The following KCNIP4 variants were observed in gnomAD, a reference collection of about 807,000 sequenced individuals.
The protein encoded by KCNIP4 is potassium voltage-gated channel interacting protein 4.
Under a neutral mutation model 34.0 loss-of-function variants are expected in KCNIP4, and 12 were observed. The ratio of observed to expected loss-of-function variants is 0.35; its 90% CI spans 0.23 to 0.57. KCNIP4 has a LOEUF of 0.57. KCNIP4 is among the 20% of genes least tolerant of loss of function. The pLI is 0.83. For missense variants in KCNIP4, 238 were observed against 311.7 expected, an observed-to-expected ratio of 0.76 and a Z score of 1.78; for synonymous variants, 124 against 102.2, an observed-to-expected ratio of 1.21 and a Z score of -1.29.
intron 1 of KCNIP4, among the ~76,000 whole-genome samples, chr4:21,611,863 G>A (rs1744187478): frequency 6.6e-6 from 1 of 152,144 alleles, no homozygotes; most frequent in Admixed American, 6.5e-5. Context: ...AACTATGGAA[G>A]AATCCAATGC....
At chr4:21,738,202 A>T (rs1199586862) in intron 1 of KCNIP4, among the ~76,000 whole-genome samples, 1 of 152,068 alleles carries the variant, frequency 6.6e-6, no homozygotes, top group East Asian at 1.9e-4. Flanking sequence ...CATATACTTG[A>T]AATCTATTTG....
At chr4:21,385,801 A>T (rs555020720) in intron 1 of KCNIP4, among the ~76,000 whole-genome samples, 3 of 152,300 alleles carry the variant, frequency 2.0e-5, no homozygotes, top group African/African-American at 2.4e-5. Context: ...CAGGTGCCAC[A>T]GATTTAACTG....
At chr4:21,256,773 T>A (rs1761090767) in intron 1 of KCNIP4, among the ~76,000 whole-genome samples, 1 of 152,162 alleles carries the variant, frequency 6.6e-6, no homozygotes, top group Non-Finnish European at 1.5e-5. Flanking sequence ...GCATGGATAA[T>A]TGATTGTGCT....
At chr4:21,445,844 G>A (rs1430269364) in intron 1 of KCNIP4, among the ~76,000 whole-genome samples, 5 of 152,110 alleles carry the variant, frequency 3.3e-5, no homozygotes, top group African/African-American at 7.2e-5. Context: ...GCAACACACA[G>A]AATGGGAGAA....
At chr4:21,401,017 T>C (rs1236177068) in intron 1 of KCNIP4, among the ~76,000 whole-genome samples, 1 of 151,996 alleles carries the variant, frequency 6.6e-6, no homozygotes, top group East Asian at 1.9e-4. Context: ...AAAAATTAGC[T>C]GGGCATGGTG....
chr4:21,069,190 C>T (rs1744674273), intron 1 of KCNIP4, among the ~76,000 whole-genome samples: 1 of 152,028 alleles, frequency 6.6e-6, no homozygotes, highest in Non-Finnish European at 1.5e-5. Flanking sequence ...ACACTATTGA[C>T]TCATATTACA....
At chr4:21,110,602 C>T (rs1442889441) in intron 1 of KCNIP4, among the ~76,000 whole-genome samples, 1 of 152,146 alleles carries the variant, frequency 6.6e-6, no homozygotes, top group Non-Finnish European at 1.5e-5. Context: ...TTGTATTCCT[C>T]CAACGTTTTT....
chr4:21,375,847 G>A (rs945348649), intron 1 of KCNIP4, among the ~76,000 whole-genome samples: 1 of 152,102 alleles, frequency 6.6e-6, no homozygotes, highest in Non-Finnish European at 1.5e-5. Flanking sequence ...GATTACAGGC[G>A]TGAGCCACCG....
At chr4:20,808,349 G>C (rs1183355904) in intron 3 of KCNIP4, among the ~76,000 whole-genome samples, 3 of 152,154 alleles carry the variant, frequency 2.0e-5, no homozygotes, top group Non-Finnish European at 4.4e-5. Context: ...AATGACAGAG[G>C]ACACATCAGA....
At chr4:21,459,764 T>C (rs1045516458) in intron 1 of KCNIP4, among the ~76,000 whole-genome samples, 1 of 152,038 alleles carries the variant, frequency 6.6e-6, no homozygotes, top group African/African-American at 2.4e-5. Context: ...TCTTTTCTTT[T>C]CTCATGCTTC....
At chr4:21,881,095 T>G (rs1726433506) in intron 1 of KCNIP4, among the ~76,000 whole-genome samples, 1 of 152,176 alleles carries the variant, frequency 6.6e-6, no homozygotes. Flanking sequence ...TAATATTTTT[T>G]AAAGTCTCCA....
intron 1 of KCNIP4, among the ~76,000 whole-genome samples, chr4:21,805,341 GAGAGAT>G (rs1225650771): frequency 6.6e-6 from 1 of 152,098 alleles, no homozygotes; most frequent in African/African-American, 2.4e-5. Context: ...GGGACCTGGT[GAGAGAT>G]AGTTGAATCA....
intron 1 of KCNIP4, among the ~76,000 whole-genome samples, chr4:21,830,013 T>A (rs944214526): frequency 2.6e-5 from 4 of 152,122 alleles, no homozygotes; most frequent in Non-Finnish European, 5.9e-5. Flanking sequence ...TTATTTTGAA[T>A]TTAAATGGAT....
chr4:20,825,016 T>A (rs1342875057), intron 3 of KCNIP4, among the ~76,000 whole-genome samples: 2 of 152,164 alleles, frequency 1.3e-5, no homozygotes, highest in Non-Finnish European at 2.9e-5. Context: ...TATAAGAGAA[T>A]GTGAACCGAG....
At chr4:20,794,272 C>T (rs1421345967) in intron 3 of KCNIP4, among the ~76,000 whole-genome samples, 4 of 152,138 alleles carry the variant, frequency 2.6e-5, no homozygotes, top group Non-Finnish European at 5.9e-5. Context: ...TCTAATGCTG[C>T]TGCTGATTTG....
chr4:21,757,140 AAAG>A (rs1490740935), intron 1 of KCNIP4, among the ~76,000 whole-genome samples: 6 of 24,754 alleles, frequency 2.4e-4, no homozygotes, highest in Non-Finnish European at 3.9e-4. Context: ...AGAAAGAAAG[AAAG>A]AAAGAAAGAA....
chr4:21,304,085 G>C (rs10034726), intron 1 of KCNIP4: 9 of 213,208 alleles, frequency 4.2e-5, no homozygotes, highest in South Asian at 1.1e-4. Flanking sequence ...GAGAGAGAGA[G>C]ACAGAGAGAG....
chr4:21,486,145 T>A (rs1472227736), intron 1 of KCNIP4, among the ~76,000 whole-genome samples: 11 of 152,208 alleles, frequency 7.2e-5, no homozygotes, highest in Non-Finnish European at 1.0e-4. Flanking sequence ...TTTACTTTTT[T>A]AAAAATGTGT....
At chr4:21,024,160 A>G (rs1740329081) in intron 1 of KCNIP4, among the ~76,000 whole-genome samples, 1 of 152,226 alleles carries the variant, frequency 6.6e-6, no homozygotes, top group Non-Finnish European at 1.5e-5. Context: ...TAACAAATTT[A>G]TTTTAGTGAT....
Sources: allele counts gnomAD v4.1 joint callset (sites outside exome capture counted in the v4.1 genomes callset), GRCh38; gene constraint gnomAD v4.1.1; transcripts MANE v1.5; gene names NCBI Gene and HGNC (gene_info 2026-07-23, HGNC 2026-07-21).